Variants in KAZN observed in about 807,000 individuals in gnomAD.
KAZN encodes kazrin.
KAZN carries 40 observed loss-of-function variants against 87.4 expected under a neutral mutation model. The ratio of observed to expected loss-of-function variants is 0.46; its 90% CI spans 0.36 to 0.60. The LOEUF is 0.60. KAZN is among the 20% of genes least tolerant of loss of function. KAZN has a pLI of 0.00. For missense variants in KAZN, 898 were observed against 1,073.9 expected, an observed-to-expected ratio of 0.84 and a Z score of 2.29; for synonymous variants, 466 against 458.3, an observed-to-expected ratio of 1.02 and a Z score of -0.22.
chr1:14,686,194 G>A (rs1640941109), intron 1 of KAZN, among the ~76,000 whole-genome samples: 2 of 152,212 alleles, frequency 1.3e-5, no homozygotes, highest in East Asian at 1.9e-4. Context: ...TCAGCCTCCC[G>A]AGTAGCTGGA....
chr1:14,803,703 C>T (rs1318414068), intron 1 of KAZN, among the ~76,000 whole-genome samples: 1 of 152,246 alleles, frequency 6.6e-6, no homozygotes. Flanking sequence ...CGGCACCTCC[C>T]GAGCCCTGCT....
chr1:14,790,201 G>A (rs960869740), intron 1 of KAZN, among the ~76,000 whole-genome samples: 7 of 151,492 alleles, frequency 4.6e-5, no homozygotes, highest in Non-Finnish European at 5.9e-5. Flanking sequence ...TAGTAAAGAC[G>A]GGGTTTCTCC....
intron 1 of KAZN, among the ~76,000 whole-genome samples, chr1:14,673,146 G>A (rs1186584961): frequency 1.4e-4 from 21 of 152,200 alleles, no homozygotes; most frequent in Admixed American, 1.4e-3. Context: ...ACAGCTGGAG[G>A]TTACAGGGCA....
chr1:14,965,379 C>T (rs1664341364), intron 2 of KAZN, among the ~76,000 whole-genome samples: 2 of 152,146 alleles, frequency 1.3e-5, no homozygotes, highest in South Asian at 2.1e-4. Context: ...ATGTGGTAAG[C>T]GTGTAGCCTG....
At chr1:14,346,671 T>C (rs1446198897) in intron 2 of KAZN, among the ~76,000 whole-genome samples, 1 of 152,070 alleles carries the variant, frequency 6.6e-6, no homozygotes. Context: ...TTGCCCAGGA[T>C]TGAGGTGGCG....
At chr1:14,386,704 C>T (rs536534996) in intron 2 of KAZN, among the ~76,000 whole-genome samples, 1 of 152,178 alleles carries the variant, frequency 6.6e-6, no homozygotes, top group Admixed American at 6.5e-5. Flanking sequence ...GATGGGCTTC[C>T]CTTTGAGGGT....
chr1:14,720,849 TG>T (rs1257149516), intron 1 of KAZN, among the ~76,000 whole-genome samples: 1 of 152,180 alleles, frequency 6.6e-6, no homozygotes, highest in African/African-American at 2.4e-5. Flanking sequence ...CCCGAGTACC[TG>T]GGACTACTAC....
Position 15,063,622 on chromosome 1 carries a change from G to A in KAZN, c.1098G>A (p.Gln366=). Residue 366 remains glutamine, a splice_region_variant and synonymous_variant, in exon 7 of 15, where the codon CAG becomes CAA. Transcript: ENST00000376030. ...AGAACCTGCACAACCCTATTGTACA[G>A]GTAGGTGTGCCCTCCCTGGCCACTT... is the stretch of plus-strand genomic sequence containing the variant. ...VQKNLHNPIV[Q]SLEDLEDQKR... 6.2e-7 allele frequency: 1 copy of A among 1,613,482 alleles called. No homozygotes were observed. The highest frequency in any genetic ancestry group is 1.1e-5 in the South Asian group (1 of 91,080).
At chr1:14,279,296 G>A (rs913097700) in intron 2 of KAZN, among the ~76,000 whole-genome samples, 1 of 152,110 alleles carries the variant, frequency 6.6e-6, no homozygotes, top group Non-Finnish European at 1.5e-5. Context: ...GTGGAGAGAG[G>A]CTGGGGCATT....
At chr1:15,053,847 G>A (rs1304112005) in intron 4 of KAZN, among the ~76,000 whole-genome samples, 2 of 152,354 alleles carry the variant, frequency 1.3e-5, no homozygotes, top group African/African-American at 4.8e-5. Flanking sequence ...GCGGGGCAAG[G>A]CTGACACCCT....
intron 7 of KAZN, among the ~76,000 whole-genome samples, chr1:15,064,279 T>G (rs946178222): frequency 2.0e-5 from 3 of 152,176 alleles, no homozygotes; most frequent in Admixed American, 2.0e-4. Flanking sequence ...CACCACCCAT[T>G]CGCAACGGAG....
chr1:14,164,183 T>G (rs1645770372), intron 1 of KAZN, among the ~76,000 whole-genome samples: 1 of 152,230 alleles, frequency 6.6e-6, no homozygotes, highest in Admixed American at 6.5e-5. Context: ...TCTTTTAGTT[T>G]CTGTGAGTTG....
intron 2 of KAZN, among the ~76,000 whole-genome samples, chr1:14,232,181 C>A (rs573912857): frequency 1.3e-5 from 2 of 152,272 alleles, no homozygotes; most frequent in African/African-American, 4.8e-5. Context: ...ATGATTGCTG[C>A]TATCACACCA....
At chr1:14,432,272 C>T (rs1449730709) in intron 2 of KAZN, among the ~76,000 whole-genome samples, 1 of 152,166 alleles carries the variant, frequency 6.6e-6, no homozygotes, top group Non-Finnish European at 1.5e-5. Context: ...CCATAAGTCA[C>T]AGTTCAATTC....
chr1:14,449,055 G>A (rs980548221), intron 2 of KAZN, among the ~76,000 whole-genome samples: 2 of 152,180 alleles, frequency 1.3e-5, no homozygotes, highest in Admixed American at 6.6e-5. Flanking sequence ...CATGGTCCAC[G>A]ACAATGTTGA....
At chr1:14,027,360 T>G (rs1641123568) in intron 1 of KAZN, among the ~76,000 whole-genome samples, 1 of 152,236 alleles carries the variant, frequency 6.6e-6, no homozygotes, top group African/African-American at 2.4e-5. Context: ...CTGTAGCTGA[T>G]GCTAATGCCA....
intron 1 of KAZN, among the ~76,000 whole-genome samples, chr1:14,126,034 G>T (rs1051439280): frequency 6.6e-6 from 1 of 152,150 alleles, no homozygotes; most frequent in South Asian, 2.1e-4. Context: ...TTTAGGGTTT[G>T]TTGTAAGTGG....
chr1:15,102,732 G>C (rs1641121117), intron 11 of KAZN, among the ~76,000 whole-genome samples: 1 of 152,210 alleles, frequency 6.6e-6, no homozygotes, highest in Non-Finnish European at 1.5e-5. Context: ...CGATACGGTG[G>C]CGAGATGGTG....
At chr1:14,415,761 CCTGACTCCCTTCCCTACT>C (rs1468191593) in intron 2 of KAZN, among the ~76,000 whole-genome samples, 1 of 152,046 alleles carries the variant, frequency 6.6e-6, no homozygotes, top group African/African-American at 2.4e-5. Context: ...CCTTCCCTTC[CCTGACTCCCTTCCCTACT>C]TCCCTACCAG....
Sources: gnomAD v4.1 joint callset for allele counts (sites outside exome capture counted in the v4.1 genomes callset) on GRCh38, gnomAD v4.1.1 for gene constraint, MANE v1.5 for transcripts, NCBI Gene and HGNC (gene_info 2026-07-23, HGNC 2026-07-21) for gene names.